ARIH2: variants seen among roughly 807,000 people sequenced by gnomAD.
The protein encoded by ARIH2 is ariadne RBR E3 ubiquitin protein ligase 2.
In ARIH2, 12 loss-of-function variants were observed where a neutral mutation model predicts 79.8. The observed-to-expected ratio is 0.15, with a 90% CI of 0.10 to 0.24. ARIH2 has a LOEUF of 0.24. Among genes scored for constraint, ARIH2 ranks in the 10% least tolerant of loss-of-function variants. The probability of loss-of-function intolerance (pLI) is 1.00; values close to 1 mark genes in which losing one functional copy is unlikely to be tolerated. For synonymous variants in ARIH2, 224 were observed against 213.9 expected (o/e 1.05, Z -0.41); for missense variants, 301 against 618.3 (o/e 0.49, Z 5.44).
rs945746745 is a variant in ARIH2 at position 48,936,800 on chromosome 3, C to T, written c.255+8987C>T. Among the ~76,000 whole-genome samples the T allele has an allele frequency of 9.2e-5, 14 of 151,734 alleles. 1 individual carries two copies. In the Middle Eastern group the frequency reaches 0.011, roughly 114 times the overall value. On this transcript the variant is annotated intron_variant, in intron 3 of 15. Transcript: ENST00000356401. ...ATCCCAGCATTTTGAGAGGCCAAGG[C>T]GGGCGGATCACGAGGTCAGGAGATC...
rs1412453339 is a variant in ARIH2, at chr3:48,982,940, C to G, written c.1371C>G (p.Leu457=). ...QAQLEAEIEN[L]SWKVERADSY... ...AGCTGGAGGCTGAGATCGAAAACCT[C>G]TCATGGAAAGTGGAGCGTGCAGACA... Residue 457 remains leucine, a synonymous_variant, in exon 15 of 16, where the codon CTC becomes CTG. Coordinates refer to ENST00000356401, the MANE Select transcript of ARIH2 (RefSeq NM_006321.4). 6.2e-7 allele frequency: 1 copy of G among 1,614,232 alleles called. No individual in the cohort carries two copies. Among genetic ancestry groups the G allele is most frequent in the Non-Finnish European group, 8.5e-7 (1 of 1,180,044 alleles).
At chr3:48,972,400 T>C (rs960947478) in intron 8 of ARIH2, among the ~76,000 whole-genome samples, 2 of 150,428 alleles carry the variant, frequency 1.3e-5, no homozygotes, top group East Asian at 2.0e-4. Context: ...CCTGTGACTT[T>C]AGGAGACTGA....
At chr3:48,954,936 GCCCATAATC>G (rs2090405042) in intron 3 of ARIH2, among the ~76,000 whole-genome samples, 1 of 152,198 alleles carries the variant, frequency 6.6e-6, no homozygotes, top group South Asian at 2.1e-4. Context: ...GGTGGCTCAT[GCCCATAATC>G]CCCACACTTT....
At chr3:48,923,248 A>T (rs1053713940) in intron 2 of ARIH2, among the ~76,000 whole-genome samples, 1 of 151,952 alleles carries the variant, frequency 6.6e-6, no homozygotes, top group Non-Finnish European at 1.5e-5. Context: ...AAATACAAAA[A>T]AAATTAGCTG....
Position 48,927,528 on chromosome 3 carries a change from T to C in ARIH2, c.-31T>C, listed in dbSNP as rs1165734753. On this transcript the variant is annotated 5_prime_UTR_variant, in exon 3 of 16. Coordinates refer to ENST00000356401, the MANE Select transcript of ARIH2 (RefSeq NM_006321.4). Reference sequence around the variant, plus strand: ...GGGGGAGGGGGAAAAAGCAACTGCTTTCCTGATCTGCAACTTGGCTGGATG... The same window carrying C: ...GGGGGAGGGGGAAAAAGCAACTGCTCTCCTGATCTGCAACTTGGCTGGATG... The C allele has an allele frequency of 1.2e-6, 2 of 1,607,612 alleles. No individual in the cohort carries two copies. The highest frequency in any genetic ancestry group is 1.7e-6 in the Non-Finnish European group (2 of 1,177,204).
In ARIH2 at chr3:48,973,727, C is replaced by A; in HGVS notation, c.799C>A (p.Pro267Thr). 1.9e-6 allele frequency: 3 copies of A among 1,614,168 alleles called. No homozygotes were observed. Among genetic ancestry groups the A allele is most frequent in the Non-Finnish European group, 2.5e-6 (3 of 1,180,000 alleles). Residue 267 changes from proline to threonine, a missense_variant, in exon 9 of 16, where the codon CCC becomes ACC. Pro to Thr is a conservative substitution (Grantham distance 38). Coordinates refer to ENST00000356401, the MANE Select transcript of ARIH2 (RefSeq NM_006321.4). ...CAAGTGTCGTCAGATGTATCACGCA[C>A]CCACAGACTGTGCCACAATCCGGAA... ...CFKCRQMYHA[P>T]TDCATIRKWL...
intron 3 of ARIH2, among the ~76,000 whole-genome samples, chr3:48,951,674 T>A (rs1233961709): frequency 6.6e-6 from 1 of 152,206 alleles, no homozygotes; most frequent in East Asian, 1.9e-4. Context: ...AAAGAACATG[T>A]TAATTTCATT....
intron 3 of ARIH2, among the ~76,000 whole-genome samples, chr3:48,939,499 T>C (rs2087712787): frequency 6.6e-6 from 1 of 151,616 alleles, no homozygotes. Context: ...GACTCACGCC[T>C]GTAATCCCAG....
intron 3 of ARIH2, among the ~76,000 whole-genome samples, chr3:48,955,155 G>A (rs1202181088): frequency 3.3e-5 from 5 of 152,168 alleles, no homozygotes; most frequent in Non-Finnish European, 4.4e-5. Context: ...CCAGCGTCGC[G>A]CCACTGTACT....
chr3:48,956,612 T>C (rs2090613948), intron 3 of ARIH2, among the ~76,000 whole-genome samples: 1 of 150,104 alleles, frequency 6.7e-6, no homozygotes. Flanking sequence ...CCCACCTTGA[T>C]GTGGGGATCC....
At chr3:48,961,563 T>C in intron 3 of ARIH2, 49 bp from the exon 4 acceptor site, 1 of 1,222,454 alleles carries the variant, frequency 8.2e-7, no homozygotes, top group East Asian at 2.3e-5. Context: ...CGAAACACTT[T>C]AAAAGAAAAT....
rs1191351528 is a variant in ARIH2, at chr3:48,983,531, A to C, written c.*261A>C. On this transcript the variant is annotated 3_prime_UTR_variant, in exon 16 of 16. Coordinates refer to ENST00000356401, the MANE Select transcript of ARIH2 (RefSeq NM_006321.4). ...CTGGATGGTTGTTGGGAGGGAGGGA[A>C]AGTGTTTTCTGAATGGCTATTAATA... The C allele has an allele frequency of 9.7e-6, 5 of 516,652 alleles. No homozygotes were observed. In the East Asian group the frequency reaches 1.6e-4, roughly 17 times the overall value. 32.0% of individuals were successfully genotyped at this position (516,652 alleles called of 1,614,324 possible).
chr3:48,946,272 A>G (rs900501284), intron 3 of ARIH2, among the ~76,000 whole-genome samples: 7 of 151,920 alleles, frequency 4.6e-5, no homozygotes, highest in African/African-American at 1.4e-4. Flanking sequence ...TTACTATGTT[A>G]TTCATTTAAA....
intron 3 of ARIH2, among the ~76,000 whole-genome samples, chr3:48,937,023 G>A (rs1324724368): frequency 2.6e-5 from 4 of 151,582 alleles, no homozygotes; most frequent in East Asian, 1.9e-4. Flanking sequence ...GCGAGACTCC[G>A]TCTCAAAAAA....
At chr3:48,947,109 C>T (rs907997755) in intron 3 of ARIH2, among the ~76,000 whole-genome samples, 3 of 152,188 alleles carry the variant, frequency 2.0e-5, no homozygotes, top group East Asian at 1.9e-4. Flanking sequence ...GCAGAACATC[C>T]GGTGAAATAC....
chr3:48,963,230 GAA>G (rs2107547015), intron 4 of ARIH2, among the ~76,000 whole-genome samples: 1 of 152,282 alleles, frequency 6.6e-6, no homozygotes, highest in African/African-American at 2.4e-5. Context: ...AATTGCAGAT[GAA>G]CTGCTGCTGC....
chr3:48,944,368 T>C (rs1046487254), intron 3 of ARIH2, among the ~76,000 whole-genome samples: 5 of 152,232 alleles, frequency 3.3e-5, no homozygotes, highest in African/African-American at 9.6e-5. Flanking sequence ...TAACCTTATA[T>C]TGAGTGAGGT....
chr3:48,976,210 A>AG, intron 11 of ARIH2, among the ~76,000 whole-genome samples: 1 of 141,302 alleles, frequency 7.1e-6, no homozygotes, highest in Non-Finnish European at 1.5e-5. Context: ...CCGAGCCTGT[A>AG]CTTTTTTTTT....
chr3:48,973,822 G>T lies in ARIH2; in HGVS notation c.888+6G>T. The T allele has an allele frequency of 6.2e-7, 1 of 1,604,440 alleles. No homozygotes were observed. Among genetic ancestry groups the T allele is most frequent in the South Asian group, 1.1e-5 (1 of 90,854 alleles). ...TTAGTGCTCACACTAAAGACGTAAGGACCGTATTTTACCTCTCATGGATTT... is the reference window on the plus strand; with the variant it reads ...TTAGTGCTCACACTAAAGACGTAAGTACCGTATTTTACCTCTCATGGATTT... On this transcript the variant is annotated splice_donor_region_variant and intron_variant, in intron 9 of 15. Transcript: ENST00000356401.
Sources: allele counts gnomAD v4.1 joint callset (sites outside exome capture counted in the v4.1 genomes callset), GRCh38; gene constraint gnomAD v4.1.1; transcripts MANE v1.5; gene names NCBI Gene and HGNC (gene_info 2026-07-23, HGNC 2026-07-21).